PACRG: variants seen among roughly 807,000 people sequenced by gnomAD.
The protein encoded by PACRG is parkin coregulated.
PACRG carries 29 observed loss-of-function variants against 29.7 expected under a neutral mutation model. That is an observed-to-expected ratio of 0.98 (90% CI 0.73 to 1.33). The LOEUF (loss-of-function observed/expected upper bound fraction) is 1.33. PACRG is among the 40% of genes most tolerant of loss of function. PACRG has a pLI of 0.00. For missense variants in PACRG, 279 were observed against 316.2 expected (o/e 0.88, Z 0.89); for synonymous variants, 116 against 118.7 (o/e 0.98, Z 0.15).
intron 1 of PACRG, among the ~76,000 whole-genome samples, chr6:162,788,790 G>A (rs899184137): frequency 6.6e-6 from 1 of 152,108 alleles, no homozygotes; most frequent in Non-Finnish European, 1.5e-5. Context: ...ATGTTTACCT[G>A]CCATCTTTAT....
At chr6:162,837,959 C>T (rs899270084) in intron 2 of PACRG, among the ~76,000 whole-genome samples, 9 of 151,840 alleles carry the variant, frequency 5.9e-5, no homozygotes. Context: ...AAATAAAGAG[C>T]ATTTCCTTAT....
chr6:163,188,112 C>T (rs915416920), intron 4 of PACRG, among the ~76,000 whole-genome samples: 8 of 152,156 alleles, frequency 5.3e-5, no homozygotes, highest in South Asian at 2.1e-4. Flanking sequence ...TCTTTTCCTA[C>T]AGGGAACTAT....
At chr6:163,093,764 C>T (rs907999204) in intron 4 of PACRG, among the ~76,000 whole-genome samples, 2 of 152,118 alleles carry the variant, frequency 1.3e-5, no homozygotes, top group African/African-American at 2.4e-5. Context: ...CCTGTCCCCA[C>T]GTTTGTAGGA....
At chr6:163,312,562 T>C (rs1294364550) in intron 4 of PACRG, among the ~76,000 whole-genome samples, 1 of 152,144 alleles carries the variant, frequency 6.6e-6, no homozygotes, top group Non-Finnish European at 1.5e-5. Context: ...CATTCCTGCC[T>C]GCACCTTCTC....
intron 2 of PACRG, among the ~76,000 whole-genome samples, chr6:162,967,840 C>T (rs566978829): frequency 6.6e-6 from 1 of 152,204 alleles, no homozygotes; most frequent in East Asian, 1.9e-4. Context: ...TACTTAACAG[C>T]ACAAATATGT....
chr6:163,099,997 G>A (rs183449053), intron 4 of PACRG, among the ~76,000 whole-genome samples: 3 of 152,210 alleles, frequency 2.0e-5, no homozygotes, highest in East Asian at 3.9e-4. Context: ...GCAGAGGGAC[G>A]GGCTGTGTCG....
chr6:163,204,117 G>A (rs1780809363), intron 4 of PACRG, among the ~76,000 whole-genome samples: 1 of 152,224 alleles, frequency 6.6e-6, no homozygotes, highest in Non-Finnish European at 1.5e-5. Context: ...GGGTTTGGGA[G>A]TTTCTTACCT....
intron 1 of PACRG, among the ~76,000 whole-genome samples, chr6:162,765,617 G>A (rs1782725072): frequency 6.6e-6 from 1 of 152,148 alleles, no homozygotes; most frequent in Non-Finnish European, 1.5e-5. Context: ...CAGTTTGGAT[G>A]TATTTTAGAT....
At chr6:162,787,051 T>C in intron 1 of PACRG, among the ~76,000 whole-genome samples, 1 of 152,166 alleles carries the variant, frequency 6.6e-6, no homozygotes, top group East Asian at 1.9e-4. Flanking sequence ...TAGTTTATAC[T>C]AGGAAGAAAA....
At chr6:163,220,066 T>C (rs1319175224) in intron 4 of PACRG, among the ~76,000 whole-genome samples, 1 of 152,194 alleles carries the variant, frequency 6.6e-6, no homozygotes, top group South Asian at 2.1e-4. Context: ...CTCCCTAGCA[T>C]GTGAGCCCCA....
At chr6:162,740,411 C>T (rs760950179) in intron 1 of PACRG, among the ~76,000 whole-genome samples, 9 of 147,644 alleles carry the variant, frequency 6.1e-5, no homozygotes, top group East Asian at 2.1e-4. Flanking sequence ...TCCGGGTTCA[C>T]GCCATTATCC....
intron 3 of PACRG, among the ~76,000 whole-genome samples, chr6:163,086,744 G>A (rs2128297588): frequency 6.6e-6 from 1 of 152,208 alleles, no homozygotes; most frequent in East Asian, 1.9e-4. Flanking sequence ...AGAGGATTCG[G>A]TTTAGTTCAA....
intron 4 of PACRG, among the ~76,000 whole-genome samples, chr6:163,185,918 C>T (rs769620466): frequency 6.6e-6 from 1 of 152,142 alleles, no homozygotes; most frequent in Admixed American, 6.5e-5. Context: ...CTGCTGACCC[C>T]ACCCCCATCT....
At chr6:162,989,219 G>C (rs1458051014) in intron 2 of PACRG, among the ~76,000 whole-genome samples, 1 of 152,214 alleles carries the variant, frequency 6.6e-6, no homozygotes, top group Non-Finnish European at 1.5e-5. Context: ...CAGCTGGTTA[G>C]ATACTGATGC....
intron 2 of PACRG, among the ~76,000 whole-genome samples, chr6:162,944,830 A>G (rs980447960): frequency 6.6e-6 from 1 of 152,106 alleles, no homozygotes; most frequent in South Asian, 2.1e-4. Flanking sequence ...GACATATAAG[A>G]CACCATAAAG....
chr6:162,944,715 A>T (rs1265700873), intron 2 of PACRG, among the ~76,000 whole-genome samples: 1 of 152,108 alleles, frequency 6.6e-6, no homozygotes, highest in Non-Finnish European at 1.5e-5. Context: ...AGTAGACTAG[A>T]TCAAACAGAA....
chr6:163,020,077 C>G (rs77628211), intron 2 of PACRG, among the ~76,000 whole-genome samples: 2,691 of 152,260 alleles, frequency 0.018, 88 homozygotes, highest in African/African-American at 0.062. Flanking sequence ...TACTCACAGA[C>G]AAGTTGCCCT....
chr6:162,749,835 T>C (rs548106564), intron 1 of PACRG, among the ~76,000 whole-genome samples: 4 of 152,336 alleles, frequency 2.6e-5, no homozygotes, highest in African/African-American at 9.6e-5. Flanking sequence ...AACATATTTC[T>C]TACTGTAATA....
intron 1 of PACRG, among the ~76,000 whole-genome samples, chr6:162,767,348 CATT>C (rs2128298235): frequency 6.6e-6 from 1 of 152,040 alleles, no homozygotes; most frequent in South Asian, 2.1e-4. Context: ...AGTTCAGAAT[CATT>C]ATATCCTTCT....
Sources: gnomAD v4.1 joint callset for allele counts (sites outside exome capture counted in the v4.1 genomes callset) on GRCh38, gnomAD v4.1.1 for gene constraint, MANE v1.5 for transcripts, NCBI Gene and HGNC (gene_info 2026-07-23, HGNC 2026-07-21) for gene names.